The following COL21A1 variants were observed in gnomAD, a reference collection of about 807,000 sequenced individuals.
COL21A1 encodes the protein collagen alpha-1(XXI) chain.
Under a neutral mutation model 137.9 loss-of-function variants are expected in COL21A1, and 149 were observed. The ratio of observed to expected loss-of-function variants is 1.08; its 90% confidence interval spans 0.95 to 1.24. The LOEUF is 1.24. COL21A1 is among the 50% of genes most tolerant of loss of function. COL21A1 has a pLI of 0.00. For synonymous variants in COL21A1, 456 were observed against 391.5 expected (o/e 1.16, Z -1.95); for missense variants, 1,167 against 1,158.4 (o/e 1.01, Z -0.11).
chr6:56,383,304 C>T (rs147469338), intron 1 of COL21A1, among the ~76,000 whole-genome samples: 1,723 of 152,252 alleles, frequency 0.011, 23 homozygotes, highest in Middle Eastern at 0.031. Flanking sequence ...TATAAGGGCT[C>T]CACCCTCATG....
At chr6:56,222,458 A>T (rs1780896498) in intron 1 of COL21A1, among the ~76,000 whole-genome samples, 1 of 152,116 alleles carries the variant, frequency 6.6e-6, no homozygotes, top group South Asian at 2.1e-4. Flanking sequence ...CTAATATTTC[A>T]TGCCTATAAT....
intron 1 of COL21A1, among the ~76,000 whole-genome samples, chr6:56,256,693 T>TC (rs1171595872): frequency 1.7e-5 from 1 of 59,446 alleles, no homozygotes; most frequent in African/African-American, 1.3e-4. Context: ...CCAAATAATA[T>TC]TTTTTAAAAA....
intron 10 of COL21A1, among the ~76,000 whole-genome samples, chr6:56,155,674 C>T (rs1487757167): frequency 6.6e-6 from 1 of 152,232 alleles, no homozygotes; most frequent in Non-Finnish European, 1.5e-5. Context: ...TCAGCTCATG[C>T]AGCCTCCGCC....
At chr6:56,118,712 TAGAA>T (rs1772160278) in intron 16 of COL21A1, among the ~76,000 whole-genome samples, 1 of 151,966 alleles carries the variant, frequency 6.6e-6, no homozygotes, top group Non-Finnish European at 1.5e-5. Flanking sequence ...AACAATATAT[TAGAA>T]AGATCATTCA....
intron 1 of COL21A1, among the ~76,000 whole-genome samples, chr6:56,377,507 A>G (rs890720588): frequency 6.6e-6 from 1 of 152,144 alleles, no homozygotes; most frequent in African/African-American, 2.4e-5. Flanking sequence ...CTCAGCTGAC[A>G]TTCACCTATA....
chr6:56,217,810 A>G (rs2152310379), intron 1 of COL21A1, among the ~76,000 whole-genome samples: 1 of 152,150 alleles, frequency 6.6e-6, no homozygotes, highest in South Asian at 2.1e-4. Flanking sequence ...AGAAAACTTC[A>G]CTCACTTCTC....
At chr6:56,190,618 C>T (rs1312953305) in intron 1 of COL21A1, among the ~76,000 whole-genome samples, 6 of 152,170 alleles carry the variant, frequency 3.9e-5, no homozygotes, top group Non-Finnish European at 7.3e-5. Flanking sequence ...GATACCAAAA[C>T]CTGGCAGAGA....
chr6:56,083,825 T>G (rs967300249), intron 17 of COL21A1, among the ~76,000 whole-genome samples: 2 of 152,146 alleles, frequency 1.3e-5, no homozygotes, highest in South Asian at 4.1e-4. Flanking sequence ...TATAGCCATG[T>G]GTCAGAACAA....
chr6:56,081,329 T>C (rs1038568545), intron 17 of COL21A1, among the ~76,000 whole-genome samples: 4 of 151,682 alleles, frequency 2.6e-5, no homozygotes, highest in African/African-American at 9.7e-5. Context: ...AGGATGATGC[T>C]AGCAATCTAA....
intron 1 of COL21A1, among the ~76,000 whole-genome samples, chr6:56,297,469 A>ACATACT (rs1450245465): frequency 2.0e-5 from 3 of 152,122 alleles, no homozygotes; most frequent in Non-Finnish European, 4.4e-5. Flanking sequence ...ATATGGGCCA[A>ACATACT]CATACTCATT....
rs756881143 is a variant in COL21A1, at chr6:56,125,588, T to C, written c.1629A>G (p.Ser543=). The C allele has an allele frequency of 7.5e-6, 12 of 1,601,346 alleles. No homozygotes were observed. In the South Asian group the frequency reaches 7.8e-5, roughly 10 times the overall value. The change falls in exon 14 of 30, where the codon TCA becomes TCG. Residue 543 remains serine, a synonymous_variant. Coordinates refer to ENST00000244728, the MANE Select transcript of COL21A1 (RefSeq NM_030820.4). Reference sequence around the variant, plus strand: ...TTCCCTTTTTGCCATAAAATCCAGGTGATCCTTTGTCTCCTTTGGCACCCA... The same window carrying C: ...TTCCCTTTTTGCCATAAAATCCAGGCGATCCTTTGTCTCCTTTGGCACCCA... ...GEMGAKGDKG[S]PGFYGKKGAK...
chr6:56,214,571 GTGGGTTTAATAGCT>G (rs1470780753), intron 1 of COL21A1, among the ~76,000 whole-genome samples: 1 of 151,890 alleles, frequency 6.6e-6, no homozygotes, highest in African/African-American at 2.4e-5. Flanking sequence ...AGCAGAGTCT[GTGGGTTTAATAGCT>G]TTTACTGAAT....
At chr6:56,317,291 C>A (rs1242679043) in intron 1 of COL21A1, among the ~76,000 whole-genome samples, 1 of 152,150 alleles carries the variant, frequency 6.6e-6, no homozygotes, top group Non-Finnish European at 1.5e-5. Flanking sequence ...AAATGATATA[C>A]TGAGCACTTA....
chr6:56,223,518 T>C (rs547769726), intron 1 of COL21A1, among the ~76,000 whole-genome samples: 42 of 152,240 alleles, frequency 2.8e-4, no homozygotes, highest in African/African-American at 1.0e-3. Context: ...TTTCTTTACA[T>C]GCTTAGCACA....
chr6:56,350,946 A>G (rs1765699214), intron 1 of COL21A1, among the ~76,000 whole-genome samples: 1 of 152,262 alleles, frequency 6.6e-6, no homozygotes, highest in African/African-American at 2.4e-5. Context: ...GAATATTTAA[A>G]ACTTGGAAAC....
chr6:56,237,490 A>G (rs925527652), intron 1 of COL21A1, among the ~76,000 whole-genome samples: 6 of 152,166 alleles, frequency 3.9e-5, no homozygotes, highest in Non-Finnish European at 8.8e-5. Flanking sequence ...TTGAAAATGT[A>G]AAAATATAAT....
intron 1 of COL21A1, among the ~76,000 whole-genome samples, chr6:56,213,164 T>C (rs989833246): frequency 2.0e-5 from 3 of 151,586 alleles, no homozygotes; most frequent in Non-Finnish European, 2.9e-5. Context: ...TGTATGCCAT[T>C]TCATAGTCTT....
intron 12 of COL21A1, among the ~76,000 whole-genome samples, chr6:56,128,281 C>A (rs1338219467): frequency 1.3e-5 from 2 of 152,204 alleles, no homozygotes; most frequent in African/African-American, 2.4e-5. Context: ...AGGGGTTCTG[C>A]CTCCCTGAAA....
chr6:56,238,332 T>C (rs1223605249), intron 1 of COL21A1, among the ~76,000 whole-genome samples: 2 of 151,274 alleles, frequency 1.3e-5, no homozygotes, highest in African/African-American at 4.9e-5. Flanking sequence ...AATGGATAAA[T>C]TGATGCATAT....
Sources: gnomAD v4.1 joint callset for allele counts (sites outside exome capture counted in the v4.1 genomes callset) on GRCh38, gnomAD v4.1.1 for gene constraint, MANE v1.5 for transcripts, NCBI Gene and HGNC (gene_info 2026-07-23, HGNC 2026-07-21) for gene names.